Variants in NCOR2 observed in about 807,000 individuals in gnomAD.
The protein encoded by NCOR2 is CTG repeat protein 26.
In NCOR2, 81 loss-of-function variants were observed where a neutral mutation model predicts 262.9. The ratio of observed to expected loss-of-function variants is 0.31; its 90% confidence interval spans 0.26 to 0.37. NCOR2 has a LOEUF of 0.37. Among genes scored for constraint, NCOR2 ranks in the 10% least tolerant of loss-of-function variants. NCOR2 has a pLI of 1.00. For synonymous variants in NCOR2, 1,659 were observed against 1,559.3 expected, an observed-to-expected ratio of 1.06 and a Z score of -1.51; for missense variants, 3,385 against 3,621.4, an observed-to-expected ratio of 0.93 and a Z score of 1.68.
intron 3 of NCOR2, among the ~76,000 whole-genome samples, chr12:124,477,834 G>A (rs2047190349): frequency 6.6e-6 from 1 of 152,100 alleles, no homozygotes; most frequent in African/African-American, 2.4e-5. Context: ...GGGGGCAGTG[G>A]GTACCTCTTA....
chr12:124,333,340 C>T, intron 41 of NCOR2, 61 bp from the exon 44 acceptor site: 2 of 1,398,662 alleles, frequency 1.4e-6, no homozygotes, highest in Non-Finnish European at 9.4e-7. Context: ...GGCGCACCCT[C>T]CCTCCACTCT....
chr12:124,325,688 C>A, intron 46 of NCOR2, 105 bp from the exon 49 acceptor site: 1 of 731,446 alleles, frequency 1.4e-6, no homozygotes, highest in South Asian at 5.9e-5. Flanking sequence ...CGTTTCTGTC[C>A]AACAGTCCTC....
chr12:124,340,201 G>GCTCTA lies in NCOR2; in HGVS notation c.5491_5492insTAGAG (p.Thr1831IlefsTer52), dbSNP rs1318484937. The GCTCTA allele has an allele frequency of 1.9e-6, 2 of 1,042,328 alleles. No individual in the cohort carries two copies. The highest frequency in any genetic ancestry group is 1.3e-6 in the Non-Finnish European group (1 of 797,146). The allele number at this position is 1,042,328 out of a possible 1,614,324, so 64.6% of individuals were successfully genotyped here. A position where few individuals can be genotyped will look rare whatever the true frequency, so the allele number is the denominator to read the frequency against. On this transcript the variant is annotated frameshift_variant, in exon 37 of 47. Transcript: ENST00000405201. LOFTEE classifies it high-confidence loss of function. ...GCCGCTGCTGCCGCTGCTCTGCTCT[G>GCTCTA]TACCTGGTGACAGTCAGTGGCATCA...
rs1425271631 is a variant in NCOR2, at chr12:124,432,547, G to C, written c.883-1760C>G. ...CCGGCCGCACCAGACAGCCCGGATG[G>C]AGCCCACTGCCACACCACAGGAAGC... On this transcript the variant is annotated intron_variant, in intron 8 of 46. Coordinates refer to ENST00000405201, the Ensembl canonical transcript of NCOR2. The surrounding 1 kb of genome is among the most constrained non-coding windows in gnomAD (Gnocchi z 5.1). Among the ~76,000 whole-genome samples, 3 of 152,160 alleles carry C rather than the reference G, an allele frequency of 2.0e-5. No individual in the cohort carries two copies. Among genetic ancestry groups the C allele is most frequent in the Non-Finnish European group, 4.4e-5 (3 of 68,022 alleles).
chr12:124,391,183 G>A (rs191725325), intron 16 of NCOR2, among the ~76,000 whole-genome samples: 57 of 152,302 alleles, frequency 3.7e-4, no homozygotes, highest in Non-Finnish European at 6.2e-4. Context: ...CTAGGACTCC[G>A]AGGGGACCAC....
rs552009801 is a variant in NCOR2 at position 124,457,286 on chromosome 12, G to C, written c.706-124C>G. The stretch of plus-strand genomic sequence containing the variant: ...AGTCCAGCATGCTGATCCTCAGCAC[G>C]GGGGAGGGAGGCCCGGGGCCCCCTG... On this transcript the variant is annotated intron_variant, in intron 5 of 46. Transcript: ENST00000405201. The surrounding 1 kb of genome is among the most constrained non-coding windows in gnomAD (Gnocchi z 4.0). 2 of 1,080,214 alleles carry C rather than the reference G, an allele frequency of 1.9e-6. No individual in the cohort carries two copies. The highest frequency in any genetic ancestry group is 2.6e-6 in the Non-Finnish European group (2 of 780,966). The allele number at this position is 1,080,214 out of a possible 1,614,324, so 66.9% of individuals were successfully genotyped here. A position where few individuals can be genotyped will look rare whatever the true frequency, so the allele number is the denominator to read the frequency against.
intron 18 of NCOR2, among the ~76,000 whole-genome samples, chr12:124,375,327 G>C (rs2039903219): frequency 6.6e-6 from 1 of 152,184 alleles, no homozygotes; most frequent in African/African-American, 2.4e-5. Flanking sequence ...CTACAAAATG[G>C]GCAGTTAACT....
intron 16 of NCOR2, among the ~76,000 whole-genome samples, chr12:124,396,758 T>C (rs1426692567): frequency 6.6e-6 from 1 of 152,008 alleles, no homozygotes; most frequent in Non-Finnish European, 1.5e-5. Flanking sequence ...GTGGGGGTCT[T>C]CTCAGGGCTG....
intron 27 of NCOR2, among the ~76,000 whole-genome samples, chr12:124,353,169 G>A (rs575875074): frequency 7.2e-5 from 11 of 152,346 alleles, no homozygotes; most frequent in Middle Eastern, 3.4e-3. Flanking sequence ...CCCAGAGCAG[G>A]TGGATGCCTG....
In NCOR2 at chr12:124,471,581, C is replaced by A. The variant is rs546305064; in HGVS notation, c.591+1371G>T. On this transcript the variant is annotated intron_variant, in intron 4 of 46. Coordinates refer to ENST00000405201, the Ensembl canonical transcript of NCOR2. ...GACAGATCAGTGATCAGCAAAATTT[C>A]TTTTTGTTGAGATAGAGTCTCACTC... Among the ~76,000 whole-genome samples, 5 of 152,314 alleles carry A rather than the reference C, an allele frequency of 3.3e-5. No individual in the cohort carries two copies. In the South Asian group the frequency reaches 8.3e-4, roughly 25 times the overall value.
At chr12:124,476,481 G>A (rs1054098994) in intron 3 of NCOR2, among the ~76,000 whole-genome samples, 3 of 152,194 alleles carry the variant, frequency 2.0e-5, no homozygotes, top group Non-Finnish European at 4.4e-5. Flanking sequence ...GAAGGGCTAT[G>A]GGGGCCAGGC....
intron 1 of NCOR2, among the ~76,000 whole-genome samples, chr12:124,494,867 G>C (rs564808100): frequency 6.6e-6 from 1 of 152,210 alleles, no homozygotes; most frequent in African/African-American, 2.4e-5. Context: ...CTCCACATTC[G>C]CGTGCCAATC....
intron 37 of NCOR2, 28 bp downstream of exon 39, chr12:124,339,978 C>T (rs1421145507): frequency 1.2e-6 from 2 of 1,608,946 alleles, no homozygotes; most frequent in East Asian, 2.2e-5. Flanking sequence ...CACCTGCCCG[C>T]CCCCTCCCCC....
exon 47 of NCOR2, chr12:124,325,390 C>T: frequency 9.3e-7 from 1 of 1,079,434 alleles, no homozygotes; most frequent in Non-Finnish European, 1.2e-6. Flanking sequence ...CCCCCCCCCG[C>T]CCTGTTCTGA....
exon 17 of NCOR2, chr12:124,385,856 G>T: frequency 1.2e-6 from 2 of 1,613,852 alleles, no homozygotes; most frequent in Non-Finnish European, 1.7e-6. Context: ...TCCGGGCGAT[G>T]GCCGACCAGT....
intron 5 of NCOR2, among the ~76,000 whole-genome samples, chr12:124,462,305 C>T (rs1219504591): frequency 6.6e-6 from 1 of 152,194 alleles, no homozygotes; most frequent in East Asian, 1.9e-4. Context: ...GCCACACTGG[C>T]TTCCTCATCT....
intron 7 of NCOR2, among the ~76,000 whole-genome samples, chr12:124,444,744 G>T (rs1328209623): frequency 6.6e-6 from 1 of 152,068 alleles, no homozygotes; most frequent in Non-Finnish European, 1.5e-5. Context: ...GCGGGTTGGG[G>T]TGATGGTCTG....
intron 13 of NCOR2, among the ~76,000 whole-genome samples, chr12:124,408,736 G>A (rs1006664175): frequency 6.6e-6 from 1 of 152,186 alleles, no homozygotes; most frequent in Admixed American, 6.5e-5. Flanking sequence ...GTGACAGAGC[G>A]AGACTCCATC....
chr12:124,414,153 C>A (rs938959969), intron 13 of NCOR2, among the ~76,000 whole-genome samples: 1 of 152,196 alleles, frequency 6.6e-6, no homozygotes, highest in Admixed American at 6.5e-5. Flanking sequence ...GGCTTTATGG[C>A]CAGTGTGCTG....
Sources: allele counts gnomAD v4.1 joint callset (sites outside exome capture counted in the v4.1 genomes callset), GRCh38; gene constraint gnomAD v4.1.1; non-coding constraint Gnocchi (gnomAD v3.1); transcripts MANE v1.5; gene names NCBI Gene and HGNC (gene_info 2026-07-23, HGNC 2026-07-21).